The following THADA variants were observed in gnomAD, a reference collection of about 807,000 sequenced individuals.
THADA encodes the protein THADA armadillo repeat containing.
THADA carries 213 observed loss-of-function variants against 219.8 expected under a neutral mutation model. The ratio of observed to expected loss-of-function variants is 0.97; its 90% CI spans 0.87 to 1.09. The LOEUF is 1.09. THADA is among the 50% of genes least tolerant of loss of function. THADA has a pLI of 0.00. For missense variants in THADA, 2,956 were observed against 2,311.3 expected, an observed-to-expected ratio of 1.28 and a Z score of -5.72; for synonymous variants, 1,018 against 828.9, an observed-to-expected ratio of 1.23 and a Z score of -3.92.
intron 30 of THADA, among the ~76,000 whole-genome samples, chr2:43,341,631 T>G (rs916421199): frequency 6.6e-6 from 1 of 152,088 alleles, no homozygotes; most frequent in Non-Finnish European, 1.5e-5. Flanking sequence ...AGTAGCAAGC[T>G]AAGGGGGCAG....
At chr2:43,268,047 G>A (rs1430739658) in intron 36 of THADA, among the ~76,000 whole-genome samples, 2 of 152,230 alleles carry the variant, frequency 1.3e-5, no homozygotes, top group Admixed American at 1.3e-4. Flanking sequence ...CAGAGAGGGA[G>A]AAGACAAGTT....
intron 23 of THADA, 35 bp downstream of exon 23, chr2:43,508,613 T>C (rs189179960): frequency 2.5e-6 from 4 of 1,601,650 alleles, no homozygotes; most frequent in African/African-American, 1.3e-5. Context: ...AAAAGACAAA[T>C]ATAAACAAAC....
intron 29 of THADA, among the ~76,000 whole-genome samples, chr2:43,361,627 C>T (rs1249999563): frequency 6.6e-6 from 1 of 152,192 alleles, no homozygotes; most frequent in African/African-American, 2.4e-5. Flanking sequence ...TTGGCAGTAT[C>T]GTTCCTTGGC....
Position 43,581,793 on chromosome 2 carries a change from T to C in THADA, c.669A>G (p.Ile223Met), listed in dbSNP as rs746266806. The change falls in exon 8 of 38, where the codon ATA becomes ATG. Residue 223 changes from isoleucine (I) to methionine (M), a missense_variant. Transcript: ENST00000405975. Reference sequence around the variant, plus strand: ...TCAGCAATCCACACATATTTTGCCATATGGGAGAATCGGAAGTCTTCCAAA... The same window carrying C: ...TCAGCAATCCACACATATTTTGCCACATGGGAGAATCGGAAGTCTTCCAAA... Reference protein sequence around the residue: ...GNLWKTSDSPIWQNMCGLLSI... With the variant: ...GNLWKTSDSPMWQNMCGLLSI... The C allele has an allele frequency of 2.5e-6, 4 of 1,612,684 alleles. No homozygotes were observed. Among genetic ancestry groups the C allele is most frequent in the Non-Finnish European group, 3.4e-6 (4 of 1,179,654 alleles).
chr2:43,591,082 AGGC>A, intron 3 of THADA, 128 bp from the exon 4 acceptor site: 2 of 829,120 alleles, frequency 2.4e-6, no homozygotes, highest in Non-Finnish European at 3.6e-6. Context: ...ACACTTTGGG[AGGC>A]TGAGGTGGGC....
intron 25 of THADA, among the ~76,000 whole-genome samples, chr2:43,497,954 G>A (rs559706856): frequency 2.0e-5 from 3 of 152,050 alleles, no homozygotes; most frequent in Admixed American, 6.6e-5. Context: ...ACCATGGCAC[G>A]CTTATATCTA....
At chr2:43,516,703 C>A (rs866460913) in intron 22 of THADA, among the ~76,000 whole-genome samples, 1 of 152,130 alleles carries the variant, frequency 6.6e-6, no homozygotes, top group African/African-American at 2.4e-5. Flanking sequence ...CACCAAAGCC[C>A]TTGCCTAATA....
At chr2:43,305,934 ATCCCTCCCTCCCTTCT>A (rs1030631636) in intron 31 of THADA, among the ~76,000 whole-genome samples, 18 of 142,900 alleles carry the variant, frequency 1.3e-4, no homozygotes, top group South Asian at 1.1e-3. Flanking sequence ...TTTCCTGTCC[ATCCCTCCCTCCCTTCT>A]TCCCTCCCTC....
At chr2:43,435,205 A>G (rs1397475682) in intron 26 of THADA, among the ~76,000 whole-genome samples, 2 of 152,196 alleles carry the variant, frequency 1.3e-5, no homozygotes, top group Non-Finnish European at 1.5e-5. Flanking sequence ...CTGTAATCCG[A>G]GCACTTTGGG....
intron 29 of THADA, among the ~76,000 whole-genome samples, chr2:43,383,824 T>C (rs1573383005): frequency 6.6e-6 from 1 of 152,180 alleles, no homozygotes; most frequent in East Asian, 1.9e-4. Flanking sequence ...GAAAGGTCAA[T>C]CATTAAAAAA....
At chr2:43,489,703 A>C (rs1428163796) in intron 25 of THADA, among the ~76,000 whole-genome samples, 1 of 152,070 alleles carries the variant, frequency 6.6e-6, no homozygotes, top group Non-Finnish European at 1.5e-5. Context: ...AATCAATCCT[A>C]ATCTGCTGAT....
At chr2:43,413,064 G>A (rs34992473) in intron 28 of THADA, among the ~76,000 whole-genome samples, 25,814 of 152,030 alleles carry the variant, frequency 0.17, 2,544 homozygotes, top group Middle Eastern at 0.24. Flanking sequence ...TGGGGTTAAC[G>A]ATAAAAAAAG....
At chr2:43,582,400 G>A (rs997754557) in intron 7 of THADA, among the ~76,000 whole-genome samples, 3 of 151,484 alleles carry the variant, frequency 2.0e-5, no homozygotes, top group African/African-American at 7.3e-5. Flanking sequence ...AGGGGGCTGA[G>A]GCAGGAGAAT....
intron 29 of THADA, among the ~76,000 whole-genome samples, chr2:43,395,977 G>A (rs1478442468): frequency 6.6e-6 from 1 of 152,178 alleles, no homozygotes; most frequent in Non-Finnish European, 1.5e-5. Context: ...GGCTGGTCTT[G>A]AACTCCTGGC....
At chr2:43,496,437 C>T (rs949385988) in intron 25 of THADA, among the ~76,000 whole-genome samples, 2 of 152,148 alleles carry the variant, frequency 1.3e-5, no homozygotes, top group African/African-American at 4.8e-5. Flanking sequence ...TTAACCTCTT[C>T]CATTTCAATG....
At chr2:43,343,732 C>T (rs192108628) in intron 30 of THADA, 126 of 157,634 alleles carry the variant, frequency 8.0e-4, no homozygotes, top group African/African-American at 3.0e-3. Flanking sequence ...TCCCTCAGTG[C>T]CTGCTCAAGC....
chr2:43,498,941 AT>A lies in THADA; in HGVS notation c.3635del (p.Asn1212IlefsTer49), dbSNP rs1446696773. The A allele has an allele frequency of 1.1e-5, 17 of 1,569,684 alleles. No individual in the cohort carries two copies. The highest frequency in any genetic ancestry group is 1.4e-5 in the Non-Finnish European group (16 of 1,156,762). On this transcript the variant is annotated frameshift_variant, in exon 25 of 38. Coordinates refer to ENST00000405975, the MANE Select transcript of THADA (RefSeq NM_022065.5). LOFTEE classifies it high-confidence loss of function. ...TATCTCTGAACAATGCTCTAAGGAT[AT>A]TTAAAGCATGAACCTAAAACAAGAA... The part of the protein sequence containing the change: ...QSTVPQVHAL[N>X]ILRALFRDTR...
chr2:43,281,924 C>A (rs1673409250), intron 35 of THADA, among the ~76,000 whole-genome samples: 1 of 152,122 alleles, frequency 6.6e-6, no homozygotes, highest in African/African-American at 2.4e-5. Context: ...TGTACACCAC[C>A]ACATCTGGCT....
intron 26 of THADA, among the ~76,000 whole-genome samples, chr2:43,430,977 C>T (rs1679184065): frequency 6.6e-6 from 1 of 152,174 alleles, no homozygotes; most frequent in African/African-American, 2.4e-5. Flanking sequence ...CCTTGCTGAA[C>T]TTGTAAGAAT....
Sources: gnomAD v4.1 joint callset for allele counts (sites outside exome capture counted in the v4.1 genomes callset) on GRCh38, gnomAD v4.1.1 for gene constraint, MANE v1.5 for transcripts, NCBI Gene and HGNC (gene_info 2026-07-23, HGNC 2026-07-21) for gene names.